Variants in LRCH2 observed in about 807,000 individuals in gnomAD.
LRCH2 encodes the protein leucine-rich repeat and calponin homology domain-containing protein 2.
LRCH2 carries 38 observed loss-of-function variants against 68.9 expected under a neutral mutation model. The observed-to-expected ratio is 0.55, with a 90% CI of 0.43 to 0.72. The LOEUF is 0.72. LRCH2 is among the 30% of genes least tolerant of loss of function. LRCH2 has a pLI of 0.00. For missense variants in LRCH2, 528 were observed against 572.9 expected (o/e 0.92, Z 0.80); for synonymous variants, 191 against 208.1 (o/e 0.92, Z 0.71).
chrX:115,144,726 A>G (rs1420939392), intron 14 of LRCH2, among the ~76,000 whole-genome samples: 1 of 112,066 alleles, frequency 8.9e-6, no homozygotes, highest in Non-Finnish European at 1.9e-5. Flanking sequence ...TTAAACACCT[A>G]GAAATTAACC....
rs1332912301 is a variant in LRCH2 at position 115,112,233 on chromosome X, T to C, written c.*983A>G. 1.8e-5 allele frequency: 2 copies of C among 111,786 alleles called. No individual in the cohort carries two copies. Among genetic ancestry groups the C allele is most frequent in the Non-Finnish European group, 3.8e-5 (2 of 52,959 alleles). The allele number at this position is 111,786 out of a possible 1,213,427, so 9.2% of individuals were successfully genotyped here. A position where few individuals can be genotyped will look rare whatever the true frequency, so the allele number is the denominator to read the frequency against. On this transcript the variant is annotated 3_prime_UTR_variant, in exon 21 of 21. Transcript: ENST00000317135. Reference sequence around the variant, plus strand: ...TAGAATGCTGCTCAAAGGGAAGATATAAACCCAAACTTTGGCAGTTTTATC... The same window carrying C: ...TAGAATGCTGCTCAAAGGGAAGATACAAACCCAAACTTTGGCAGTTTTATC...
At chrX:115,123,310 T>C (rs924801815) in intron 17 of LRCH2, 118 bp from the exon 18 acceptor site, 5 of 478,711 alleles carry the variant, frequency 1.0e-5, no homozygotes, top group Non-Finnish European at 6.9e-6. Context: ...TACTCACTAA[T>C]ACATTCCAAA....
At chrX:115,137,225 A>G (rs1313350444) in intron 14 of LRCH2, among the ~76,000 whole-genome samples, 1 of 111,347 alleles carries the variant, frequency 9.0e-6, no homozygotes, top group African/African-American at 3.3e-5. Flanking sequence ...AGAAAGTATG[A>G]GGGTTCCAAA....
intron 1 of LRCH2, among the ~76,000 whole-genome samples, chrX:115,218,611 G>A (rs782474312): frequency 9.8e-5 from 11 of 112,406 alleles, no homozygotes; most frequent in East Asian, 2.8e-4. Flanking sequence ...CCAAGTCTTC[G>A]TTAACATAGC....
intron 12 of LRCH2, among the ~76,000 whole-genome samples, chrX:115,150,607 T>C (rs914484711): frequency 4.5e-5 from 5 of 111,128 alleles, no homozygotes; most frequent in Non-Finnish European, 9.5e-5. Flanking sequence ...ATGGCAATTT[T>C]GAACAAGGAG....
chrX:115,161,862 G>A (rs1451101714), intron 11 of LRCH2, among the ~76,000 whole-genome samples: 1 of 109,351 alleles, frequency 9.1e-6, no homozygotes, highest in Non-Finnish European at 1.9e-5. Context: ...ATATGACAAT[G>A]TAAAAATCTA....
In LRCH2 at chrX:115,192,196, C is replaced by T. The variant is rs1556560946; in HGVS notation, c.350-3826G>A. On this transcript the variant is annotated intron_variant, in intron 1 of 20. Coordinates refer to ENST00000317135, the MANE Select transcript of LRCH2 (RefSeq NM_020871.4). ...AGGCTGCTACGAGGAATACCAAGGC[C>T]GCTCGCCCAATGCCTACGGCGGGGG... The T allele has an allele frequency of 3.4e-6, 4 of 1,163,963 alleles. No homozygotes were observed. The South Asian group carries it at 5.7e-5, about 17-fold the overall frequency.
At chrX:115,191,148 C>G (rs374930485) in intron 1 of LRCH2, 2 of 1,163,583 alleles carry the variant, frequency 1.7e-6, no homozygotes, top group South Asian at 3.8e-5. Flanking sequence ...GCTGCTCTGC[C>G]GACGCCTACA....
intron 1 of LRCH2, chrX:115,190,367 G>A (rs781927946): frequency 2.6e-6 from 3 of 1,161,822 alleles, no homozygotes; most frequent in Non-Finnish European, 3.4e-6. Flanking sequence ...AGCTACGGAG[G>A]CCCATGCGGC....
At chrX:115,190,097 G>A (rs2072775970) in intron 1 of LRCH2, 6 of 1,155,870 alleles carry the variant, frequency 5.2e-6, no homozygotes, top group Non-Finnish European at 5.8e-6. Flanking sequence ...ATTGGCGGCA[G>A]TGGAATGCCT....
intron 1 of LRCH2, among the ~76,000 whole-genome samples, chrX:115,198,015 G>T (rs1055328774): frequency 1.2e-5 from 1 of 80,072 alleles, no homozygotes; most frequent in Non-Finnish European, 2.3e-5. Context: ...TAAAGAAAAA[G>T]AATGAACAAA....
Position 115,168,185 on chromosome X carries a change from G to A in LRCH2, c.999-1843C>T, listed in dbSNP as rs189066752. Among the ~76,000 whole-genome samples, 178 of 111,945 alleles carry A rather than the reference G, an allele frequency of 1.6e-3. 1 individual carries two copies. The highest frequency in any genetic ancestry group is 0.014 in the Admixed American group (142 of 10,516). On this transcript the variant is annotated intron_variant, in intron 6 of 20. Coordinates refer to ENST00000317135, the MANE Select transcript of LRCH2 (RefSeq NM_020871.4). ...GTAGTGCCTATCTATGTATAATAAA[G>A]AGTTTACAAAACAGACAAGGCATGG...
chrX:115,141,300 G>A lies in LRCH2; in HGVS notation c.1695+8527C>T, dbSNP rs782462745. The stretch of plus-strand genomic sequence containing the variant: ...TGTCACAGCCTCAGGCAGTCCTGAT[G>A]ACCTGTGCCCAAGGTGGTCAGAGCA... On this transcript the variant is annotated intron_variant, in intron 14 of 20. Coordinates refer to ENST00000317135, the MANE Select transcript of LRCH2 (RefSeq NM_020871.4). Among the ~76,000 whole-genome samples, 72 of 110,743 alleles carry A rather than the reference G, an allele frequency of 6.5e-4. 1 individual carries two copies. Among genetic ancestry groups the A allele is most frequent in the Non-Finnish European group, 2.1e-4 (11 of 52,944 alleles).
rs782580982 is a variant in LRCH2 at position 115,192,460 on chromosome X, C to T, written c.350-4090G>A. 25 of 1,169,531 alleles carry T rather than the reference C, an allele frequency of 2.1e-5. No homozygotes were observed. Among genetic ancestry groups the T allele is most frequent in the Non-Finnish European group, 2.7e-5 (24 of 873,879 alleles). ...CGACAGATCCAGCAACAGTTACGGCCGGAGCGACCGCTACTCGAGGGGTCG... is the reference window on the plus strand; with the variant it reads ...CGACAGATCCAGCAACAGTTACGGCTGGAGCGACCGCTACTCGAGGGGTCG... On this transcript the variant is annotated intron_variant, in intron 1 of 20. Coordinates refer to ENST00000317135, the MANE Select transcript of LRCH2 (RefSeq NM_020871.4).
chrX:115,210,716 C>T (rs1314230767), intron 1 of LRCH2, among the ~76,000 whole-genome samples: 1 of 111,426 alleles, frequency 9.0e-6, no homozygotes, highest in East Asian at 2.8e-4. Context: ...CACAGACACT[C>T]AGTGCCAGCT....
Position 115,207,759 on chromosome X carries a change from C to G in LRCH2, c.350-19389G>C, listed in dbSNP as rs142209778. Among the ~76,000 whole-genome samples the G allele has an allele frequency of 7.1e-5, 8 of 111,929 alleles. No homozygotes were observed. The East Asian group carries it at 2.0e-3, about 28-fold the overall frequency. ...AATGGTGGCCCTCAAAGATATCAGA[C>G]CCTAATTCTGGAATCTGTGAGTGTT... On this transcript the variant is annotated intron_variant, in intron 1 of 20. Coordinates refer to ENST00000317135, the MANE Select transcript of LRCH2 (RefSeq NM_020871.4).
At chrX:115,202,459 C>T (rs2072937169) in intron 1 of LRCH2, among the ~76,000 whole-genome samples, 2 of 111,381 alleles carry the variant, frequency 1.8e-5, no homozygotes, top group Admixed American at 1.9e-4. Flanking sequence ...CTCTGAATCC[C>T]CTAACTTGAC....
intron 1 of LRCH2, among the ~76,000 whole-genome samples, chrX:115,207,849 T>C (rs1421746008): frequency 8.9e-6 from 1 of 111,884 alleles, no homozygotes; most frequent in Non-Finnish European, 1.9e-5. Flanking sequence ...GCCTGCATCA[T>C]CCATGTGGAC....
chrX:115,113,990 A>G (rs182590421), intron 20 of LRCH2, among the ~76,000 whole-genome samples: 6 of 110,848 alleles, frequency 5.4e-5, no homozygotes, highest in Admixed American at 4.8e-4. Context: ...AGTTTTAACT[A>G]CCCCTTCCAT....
Sources: allele counts gnomAD v4.1 joint callset (sites outside exome capture counted in the v4.1 genomes callset), GRCh38; gene constraint gnomAD v4.1.1; transcripts MANE v1.5; gene names NCBI Gene and HGNC (gene_info 2026-07-23, HGNC 2026-07-21).